PTGES3L: variants seen among roughly 807,000 people sequenced by gnomAD.
PTGES3L encodes prostaglandin E synthase 3 like.
PTGES3L carries 17 observed loss-of-function variants against 25.0 expected under a neutral mutation model. That is an observed-to-expected ratio of 0.68 (90% CI 0.47 to 1.02). The LOEUF is 1.02. PTGES3L is among the 50% of genes least tolerant of loss of function. The pLI, the probability that PTGES3L is intolerant of heterozygous loss-of-function variation, is 0.00. For missense variants in PTGES3L, 202 were observed against 197.5 expected (o/e 1.02, Z -0.14); for synonymous variants, 59 against 65.7 (o/e 0.90, Z 0.50).
chr17:42,974,144 T>C (rs1312717828), intron 4 of PTGES3L, among the ~76,000 whole-genome samples: 1 of 151,928 alleles, frequency 6.6e-6, no homozygotes, highest in African/African-American at 2.4e-5. Flanking sequence ...GTGGATCACC[T>C]GAGGTCAGGA....
chr17:42,973,114 C>G (rs1473187143), intron 4 of PTGES3L, among the ~76,000 whole-genome samples: 123 of 125,668 alleles, frequency 9.8e-4, no homozygotes, highest in African/African-American at 3.2e-3. Context: ...AGTGAGGAGC[C>G]TCTCCGCCCG....
At position 42,969,027 on chromosome 17, in the gene PTGES3L, G is replaced by C; in HGVS notation, c.*121C>G. On this transcript the variant is annotated 3_prime_UTR_variant, in exon 7 of 7. Coordinates refer to ENST00000591916, the MANE Select transcript of PTGES3L (RefSeq NM_001261430.2). ...CCCTTAATAAAGAGCTTCTAGGAAA[G>C]TTCAGAGATCTCAGAAGAACTTGGT... 2 of 710,430 alleles carry C rather than the reference G, an allele frequency of 2.8e-6. No individual in the cohort carries two copies. Among genetic ancestry groups the C allele is most frequent in the South Asian group, 3.6e-5 (2 of 55,340 alleles). The allele number at this position is 710,430 out of a possible 1,614,324, so 44.0% of individuals were successfully genotyped here.
intron 4 of PTGES3L, among the ~76,000 whole-genome samples, chr17:42,976,139 C>T (rs1431607842): frequency 1.3e-5 from 2 of 151,964 alleles, no homozygotes; most frequent in Non-Finnish European, 2.9e-5. Context: ...CGCACCACCA[C>T]GCCCAGCTCA....
intron 4 of PTGES3L, chr17:42,971,931 T>A (rs2049844727): frequency 2.2e-6 from 1 of 461,858 alleles, no homozygotes; most frequent in Non-Finnish European, 4.0e-6. Flanking sequence ...GGCTCATGCC[T>A]GTAATCTCAG....
At chr17:42,973,133 C>T (rs929126844) in intron 4 of PTGES3L, among the ~76,000 whole-genome samples, 1 of 148,990 alleles carries the variant, frequency 6.7e-6, no homozygotes, top group African/African-American at 2.5e-5. Context: ...CGGCAGCCAC[C>T]CCATCTGGGA....
intron 5 of PTGES3L, among the ~76,000 whole-genome samples, chr17:42,970,715 C>G (rs2049820900): frequency 7.8e-6 from 1 of 127,602 alleles, no homozygotes; most frequent in African/African-American, 2.7e-5. Flanking sequence ...CACACACACA[C>G]ACAGAGGCCG....
At chr17:42,970,672 A>ACGTG (rs2049816739) in intron 5 of PTGES3L, among the ~76,000 whole-genome samples, 1 of 115,398 alleles carries the variant, frequency 8.7e-6, no homozygotes, top group African/African-American at 3.2e-5. Flanking sequence ...CTGGCTTAAC[A>ACGTG]CGCGCACACA....
At chr17:42,979,785 A>C in intron 1 of PTGES3L, 122 bp from the exon 2 acceptor site, 1 of 1,447,166 alleles carries the variant, frequency 6.9e-7, no homozygotes, top group Non-Finnish European at 9.4e-7. Context: ...TAAATGAGAC[A>C]GAAGGGGTGA....
chr17:42,971,537 CAG>C (rs2049836396), intron 5 of PTGES3L, 68 bp downstream of exon 5: 2 of 1,569,956 alleles, frequency 1.3e-6, no homozygotes, highest in Non-Finnish European at 1.7e-6. Context: ...GACAATCCTC[CAG>C]AGACATGTGT....
intron 4 of PTGES3L, among the ~76,000 whole-genome samples, chr17:42,974,604 C>A (rs1447022293): frequency 6.6e-6 from 1 of 151,822 alleles, no homozygotes; most frequent in African/African-American, 2.4e-5. Flanking sequence ...GAAACCCCAT[C>A]TCTACTAAAA....
At chr17:42,970,719 G>C (rs1024570505) in intron 5 of PTGES3L, among the ~76,000 whole-genome samples, 14 of 122,808 alleles carry the variant, frequency 1.1e-4, no homozygotes, top group African/African-American at 4.7e-4. Context: ...CACACACACA[G>C]AGGCCGGGTT....
intron 4 of PTGES3L, among the ~76,000 whole-genome samples, chr17:42,972,556 G>GCGAGTGATC (rs1250273243): frequency 1.3e-5 from 2 of 152,124 alleles, no homozygotes; most frequent in Non-Finnish European, 2.9e-5. Flanking sequence ...GCCCCTAACC[G>GCGAGTGATC]CGAGTGATCC....
rs368420097 is a variant in PTGES3L, at chr17:42,978,077, C to CAAAAAAAAAAAAA, written c.288+1080_288+1092dup. On this transcript the variant is annotated intron_variant, in intron 4 of 6. Transcript: ENST00000591916. ...GGGCAACAAGAGCGAAACTCCGAAT[C>CAAAAAAAAAAAAA]AAAAAAAAAAAAAAAAAAAAAAACA... 2.5e-4 allele frequency among the ~76,000 whole-genome samples: 12 copies of CAAAAAAAAAAAAA among 47,380 alleles called. 1 individual carries two copies. The highest frequency in any genetic ancestry group is 1.0e-3 in the African/African-American group (10 of 9,730). The allele number at this position is 47,380 out of a possible 152,430, so 31.1% of individuals were successfully genotyped here. A position where few individuals can be genotyped will look rare whatever the true frequency, so the allele number is the denominator to read the frequency against.
At position 42,971,673 on chromosome 17, in the gene PTGES3L, A is replaced by G. The variant is rs777352544; in HGVS notation, c.312T>C (p.Phe104=). ...CCCCTTCCCAGTCTCTCCAGTTATC[A>G]AAGTCCACAGACAGCCACACTGGCT... ...DIKPVWLSVD[F]DNWRDWEGDE... The change falls in exon 5 of 7, where the codon TTT becomes TTC. Residue 104 remains phenylalanine (F), a synonymous_variant. Coordinates refer to ENST00000591916, the MANE Select transcript of PTGES3L (RefSeq NM_001261430.2). The G allele has an allele frequency of 3.1e-5, 50 of 1,613,974 alleles. No homozygotes were observed. The highest frequency in any genetic ancestry group is 6.6e-5 in the South Asian group (6 of 91,086).
Position 42,979,608 on chromosome 17 carries a change from A to G in PTGES3L, c.64T>C (p.Cys22Arg). ...DRPRYVFMEFCVEDSTDVHVL... is the reference protein window; with the variant it reads ...DRPRYVFMEFRVEDSTDVHVL... ...TGGACATCGGTGCTGTCCTCAACAC[A>G]AAACTCCATGAACACATACCTGGGC... Residue 22 changes from cysteine (C) to arginine (R), a missense_variant, in exon 2 of 7, where the codon TGT becomes CGT. By Grantham distance (180) the Cys-to-Arg change is radical (BLOSUM62 -3). Transcript: ENST00000591916. 1 of 1,614,172 alleles carries G rather than the reference A, an allele frequency of 6.2e-7. No individual in the cohort carries two copies. Among genetic ancestry groups the G allele is most frequent in the Non-Finnish European group, 8.5e-7 (1 of 1,180,034 alleles).
intron 4 of PTGES3L, among the ~76,000 whole-genome samples, chr17:42,976,631 C>T (rs71377301): frequency 0.017 from 2,537 of 152,266 alleles, 45 homozygotes; most frequent in South Asian, 0.046. Flanking sequence ...CTGCCTGCCT[C>T]GGCCTCCTAC....
chr17:42,972,157 C>T (rs2049850362), intron 4 of PTGES3L: 1 of 150,866 alleles, frequency 6.6e-6, no homozygotes, highest in African/African-American at 2.6e-5. Flanking sequence ...CACTGCACCC[C>T]AGCCTGGGTG....
At chr17:42,977,604 C>CA (rs1271032462) in intron 4 of PTGES3L, among the ~76,000 whole-genome samples, 550 of 52,228 alleles carry the variant, frequency 0.011, 3 homozygotes, top group African/African-American at 0.03. Flanking sequence ...AACTCTGTCT[C>CA]AAAAAAAAAA....
rs149029099 is a variant in PTGES3L, at chr17:42,979,196, G to C, written c.262C>G (p.Pro88Ala). 1 of 1,614,078 alleles carries C rather than the reference G, an allele frequency of 6.2e-7. No homozygotes were observed. The highest frequency in any genetic ancestry group is 1.3e-5 in the African/African-American group (1 of 74,990). Residue 88 changes from proline (P) to alanine (A), a missense_variant, in exon 4 of 7, where the codon CCG becomes GCG. Pro to Ala is a conservative substitution (Grantham distance 27, BLOSUM62 -1). Coordinates refer to ENST00000591916, the MANE Select transcript of PTGES3L (RefSeq NM_001261430.2). ...TTGATATCCTCCTTGGTAAGCCGCGGCCAGGCCACCTTTTCCTTCCATTTT... is the reference window on the plus strand; with the variant it reads ...TTGATATCCTCCTTGGTAAGCCGCGCCCAGGCCACCTTTTCCTTCCATTTT... The part of the protein sequence containing the change: ...VRKWKEKVAW[P>A]RLTKEDIKPV...
Sources: allele counts gnomAD v4.1 joint callset (sites outside exome capture counted in the v4.1 genomes callset), GRCh38; gene constraint gnomAD v4.1.1; transcripts MANE v1.5; gene names NCBI Gene and HGNC (gene_info 2026-07-23, HGNC 2026-07-21).